INPP4B: variants seen among roughly 807,000 people sequenced by gnomAD.
INPP4B encodes inositol polyphosphate 4-phosphatase type II.
INPP4B carries 55 observed loss-of-function variants against 122.5 expected under a neutral mutation model. The observed-to-expected ratio is 0.45, with a 90% CI of 0.36 to 0.56. The LOEUF (loss-of-function observed/expected upper bound fraction) is 0.56. INPP4B is among the 20% of genes least tolerant of loss of function. INPP4B has a pLI of 0.00. For missense variants in INPP4B, 1,000 were observed against 1,097.7 expected, an observed-to-expected ratio of 0.91 and a Z score of 1.26; for synonymous variants, 403 against 388.7, an observed-to-expected ratio of 1.04 and a Z score of -0.43.
chr4:142,475,864 A>C (rs749662620), intron 2 of INPP4B, among the ~76,000 whole-genome samples: 5 of 152,238 alleles, frequency 3.3e-5, no homozygotes, highest in Admixed American at 6.5e-5. Context: ...GATCATATCT[A>C]TGACTCATTG....
At chr4:142,738,397 G>A (rs1464876913) in intron 1 of INPP4B, among the ~76,000 whole-genome samples, 1 of 152,046 alleles carries the variant, frequency 6.6e-6, no homozygotes, top group African/African-American at 2.4e-5. Context: ...CTCATAGGTG[G>A]GAATTGAACA....
chr4:142,092,549 C>T (rs1245729543), intron 23 of INPP4B, among the ~76,000 whole-genome samples: 1 of 152,162 alleles, frequency 6.6e-6, no homozygotes, highest in African/African-American at 2.4e-5. Context: ...CCTAGGCCTC[C>T]CAAAGTGCTG....
chr4:142,749,291 A>G (rs1241741829), intron 1 of INPP4B, among the ~76,000 whole-genome samples: 1 of 147,494 alleles, frequency 6.8e-6, no homozygotes, highest in Non-Finnish European at 1.5e-5. Flanking sequence ...TACCATATAT[A>G]TATAAAACAT....
chr4:142,212,267 A>T (rs1030112083), intron 12 of INPP4B, among the ~76,000 whole-genome samples: 3 of 152,168 alleles, frequency 2.0e-5, no homozygotes, highest in Non-Finnish European at 2.9e-5. Flanking sequence ...AAGAGCAGTA[A>T]TAAATCCAGC....
At chr4:142,155,024 A>G (rs1430595494) in intron 17 of INPP4B, among the ~76,000 whole-genome samples, 1 of 151,542 alleles carries the variant, frequency 6.6e-6, no homozygotes, top group Non-Finnish European at 1.5e-5. Flanking sequence ...ATATATATAT[A>G]CATATATTAA....
intron 2 of INPP4B, among the ~76,000 whole-genome samples, chr4:142,716,911 C>G (rs1204257684): frequency 2.6e-5 from 4 of 152,168 alleles, no homozygotes; most frequent in Non-Finnish European, 5.9e-5. Context: ...CTGCTACCAA[C>G]ATGAGGATAA....
In INPP4B at chr4:142,486,023, A is replaced by G. The variant is rs536668170; in HGVS notation, c.-190-23297T>C. ...CTGGCCTACAAAACCCCTCTATACT[A>G]TCCTCCATGTTCTCCTTCCCTCTCC... is the stretch of plus-strand genomic sequence containing the variant. On this transcript the variant is annotated intron_variant, in intron 2 of 25. Transcript: ENST00000262992. Among the ~76,000 whole-genome samples the G allele has an allele frequency of 2.6e-5, 4 of 152,054 alleles. No individual in the cohort carries two copies. The South Asian group carries it at 8.3e-4, about 32-fold the overall frequency.
intron 17 of INPP4B, among the ~76,000 whole-genome samples, chr4:142,159,437 A>G (rs1818920278): frequency 6.6e-6 from 1 of 151,982 alleles, no homozygotes. Context: ...CAAAAGAAAA[A>G]GCAGGCATCA....
intron 2 of INPP4B, among the ~76,000 whole-genome samples, chr4:142,507,023 T>C (rs1824113480): frequency 6.6e-6 from 1 of 152,172 alleles, no homozygotes; most frequent in Non-Finnish European, 1.5e-5. Context: ...ATGTACATTG[T>C]TCTCTTTTGA....
chr4:142,169,143 C>T (rs965350977), intron 16 of INPP4B, among the ~76,000 whole-genome samples: 2 of 151,330 alleles, frequency 1.3e-5, no homozygotes, highest in Non-Finnish European at 3.0e-5. Flanking sequence ...CTTTATTTTT[C>T]TTATTGTACA....
intron 2 of INPP4B, among the ~76,000 whole-genome samples, chr4:142,523,038 G>A (rs756667972): frequency 2.6e-5 from 4 of 152,006 alleles, no homozygotes; most frequent in African/African-American, 7.2e-5. Flanking sequence ...CTGGAGCATC[G>A]CTTGACTAGA....
At chr4:142,240,806 CTG>C (rs1484225791) in intron 11 of INPP4B, among the ~76,000 whole-genome samples, 1 of 152,004 alleles carries the variant, frequency 6.6e-6, no homozygotes, top group Non-Finnish European at 1.5e-5. Flanking sequence ...AATAAAGAAA[CTG>C]GGTCTGAACT....
intron 25 of INPP4B, among the ~76,000 whole-genome samples, chr4:142,051,441 C>G (rs2152393152): frequency 6.6e-6 from 1 of 151,922 alleles, no homozygotes; most frequent in Non-Finnish European, 1.5e-5. Context: ...AGTGAGACTT[C>G]TGGGAGCTAG....
At chr4:142,197,761 C>T (rs913578225) in intron 14 of INPP4B, among the ~76,000 whole-genome samples, 23 of 152,114 alleles carry the variant, frequency 1.5e-4, no homozygotes, top group Middle Eastern at 3.2e-3. Context: ...TTCAGGATCT[C>T]ATTTAATTTT....
At chr4:142,822,244 C>T (rs28462985) in intron 1 of INPP4B, among the ~76,000 whole-genome samples, 19,483 of 152,192 alleles carry the variant, frequency 0.13, 2,005 homozygotes, top group African/African-American at 0.29. Context: ...ATGTCAAGCA[C>T]TTTAAGTGCA....
At chr4:142,110,211 ACAGGCACAAAGAAGAGG>A (rs1789304786) in intron 22 of INPP4B, among the ~76,000 whole-genome samples, 1 of 152,050 alleles carries the variant, frequency 6.6e-6, no homozygotes. Context: ...CTTTCTTTCC[ACAGGCACAAAGAAGAGG>A]TTATGTGAGC....
chr4:142,586,432 TG>T (rs1490727610), intron 2 of INPP4B, among the ~76,000 whole-genome samples: 1 of 152,182 alleles, frequency 6.6e-6, no homozygotes, highest in Non-Finnish European at 1.5e-5. Flanking sequence ...AGAACCTATT[TG>T]GAACCATATA....
At position 142,122,154 on chromosome 4, in the gene INPP4B, A is replaced by G; in HGVS notation, c.2109T>C (p.Asp703=). The part of the protein sequence containing the change: ...AFKIIEAKSN[D]VLPVITGRRE... ...GTCTTCCTGTTATAACTGGCAACACATCATTGGATTTGGCTTCAATTATTT... is the reference window on the plus strand; with the variant it reads ...GTCTTCCTGTTATAACTGGCAACACGTCATTGGATTTGGCTTCAATTATTT... The change falls in exon 21 of 26, where the codon GAT becomes GAC. Residue 703 remains aspartate (D), a synonymous_variant. Coordinates refer to ENST00000262992, the MANE Select transcript of INPP4B (RefSeq NM_001101669.3). The G allele has an allele frequency of 1.2e-6, 2 of 1,611,140 alleles. No individual in the cohort carries two copies. Among genetic ancestry groups the G allele is most frequent in the Non-Finnish European group, 1.7e-6 (2 of 1,178,362 alleles).
chr4:142,533,806 G>T (rs1422059880), intron 2 of INPP4B, among the ~76,000 whole-genome samples: 1 of 152,182 alleles, frequency 6.6e-6, no homozygotes, highest in Non-Finnish European at 1.5e-5. Context: ...TCCCACATCT[G>T]TGTCTTTGAA....
Sources: gnomAD v4.1 joint callset for allele counts (sites outside exome capture counted in the v4.1 genomes callset) on GRCh38, gnomAD v4.1.1 for gene constraint, MANE v1.5 for transcripts, NCBI Gene and HGNC (gene_info 2026-07-23, HGNC 2026-07-21) for gene names.